Variants in ANKRD6 observed in about 807,000 individuals in gnomAD.
ANKRD6 encodes ankyrin repeat domain 6, also known as ankyrin repeat domain-containing protein 6.
In ANKRD6, 56 loss-of-function variants were observed where a neutral mutation model predicts 82.3. The ratio of observed to expected loss-of-function variants is 0.68; its 90% CI spans 0.55 to 0.85. The LOEUF is 0.85. Among genes scored for constraint, ANKRD6 ranks in the 40% least tolerant of loss-of-function variants. The pLI is 0.00. For missense variants in ANKRD6, 852 were observed against 907.6 expected, an observed-to-expected ratio of 0.94 and a Z score of 0.79; for synonymous variants, 347 against 352.1, an observed-to-expected ratio of 0.99 and a Z score of 0.16.
chr6:89,452,079 GCT>G (rs1283273443), intron 1 of ANKRD6, among the ~76,000 whole-genome samples: 2 of 152,224 alleles, frequency 1.3e-5, no homozygotes, highest in African/African-American at 4.8e-5. Flanking sequence ...TACTTGGGAA[GCT>G]GAGGCAGGAG....
intron 1 of ANKRD6, among the ~76,000 whole-genome samples, chr6:89,542,613 C>A (rs1184984930): frequency 1.3e-5 from 2 of 152,184 alleles, no homozygotes; most frequent in African/African-American, 2.4e-5. Flanking sequence ...GGTCTCTTGT[C>A]ATATAGAAAC....
At chr6:89,438,898 C>T (rs1770988430) in intron 1 of ANKRD6, among the ~76,000 whole-genome samples, 3 of 152,174 alleles carry the variant, frequency 2.0e-5, no homozygotes, top group Non-Finnish European at 2.9e-5. Flanking sequence ...CGGCCTCGGC[C>T]TCCTAAAGTG....
intron 1 of ANKRD6, among the ~76,000 whole-genome samples, chr6:89,521,740 CT>C (rs1488715323): frequency 6.6e-6 from 1 of 151,742 alleles, no homozygotes; most frequent in Non-Finnish European, 1.5e-5. Context: ...ATCTATTTTC[CT>C]TTGTAAAAAT....
intron 1 of ANKRD6, among the ~76,000 whole-genome samples, chr6:89,540,399 A>G (rs1784323573): frequency 6.6e-6 from 1 of 152,118 alleles, no homozygotes; most frequent in African/African-American, 2.4e-5. Context: ...GCATCTTTTC[A>G]TATATCTGTC....
chr6:89,556,792 A>G (rs1305825350), intron 1 of ANKRD6, among the ~76,000 whole-genome samples: 1 of 152,224 alleles, frequency 6.6e-6, no homozygotes, highest in Non-Finnish European at 1.5e-5. Context: ...GCATTATCTC[A>G]TTCAATCTTT....
At chr6:89,614,514 C>T (rs570193942) in intron 7 of ANKRD6, among the ~76,000 whole-genome samples, 13 of 152,070 alleles carry the variant, frequency 8.5e-5, no homozygotes, top group African/African-American at 1.4e-4. Context: ...GGCGTGGTGG[C>T]GTGCACCTGC....
intron 1 of ANKRD6, among the ~76,000 whole-genome samples, chr6:89,447,854 A>ATTTTT (rs530068070): frequency 2.5e-5 from 3 of 119,012 alleles, no homozygotes; most frequent in African/African-American, 3.5e-5. Flanking sequence ...CGCCCAGCTA[A>ATTTTT]TTTTTTTTTT....
chr6:89,527,156 C>T (rs1000409466), intron 1 of ANKRD6, among the ~76,000 whole-genome samples: 17 of 152,052 alleles, frequency 1.1e-4, no homozygotes, highest in Non-Finnish European at 1.8e-4. Flanking sequence ...TTTCAGACCA[C>T]GGCATTAAGC....
chr6:89,462,699 C>T (rs1380839791), intron 1 of ANKRD6, among the ~76,000 whole-genome samples: 5 of 151,854 alleles, frequency 3.3e-5, no homozygotes, highest in South Asian at 4.2e-4. Context: ...AAGTCTATTG[C>T]GTAAGACAAT....
chr6:89,615,513 A>T (rs916447099), intron 7 of ANKRD6, among the ~76,000 whole-genome samples: 3 of 152,202 alleles, frequency 2.0e-5, no homozygotes, highest in Middle Eastern at 3.2e-3. Context: ...CCCACATGGT[A>T]GACCAATGAA....
intron 1 of ANKRD6, among the ~76,000 whole-genome samples, chr6:89,479,785 G>C (rs888029876): frequency 3.3e-5 from 5 of 151,622 alleles, no homozygotes; most frequent in African/African-American, 1.2e-4. Flanking sequence ...CCCTAGAATT[G>C]TTTCTTTAGT....
chr6:89,446,174 G>A (rs1772059849), intron 1 of ANKRD6, among the ~76,000 whole-genome samples: 1 of 151,912 alleles, frequency 6.6e-6, no homozygotes, highest in African/African-American at 2.4e-5. Flanking sequence ...CCAACATGGT[G>A]AAACTCTGTC....
chr6:89,581,332 A>G lies in ANKRD6; in HGVS notation c.120+14236A>G, dbSNP rs903575832. The stretch of plus-strand genomic sequence containing the variant: ...TAAATTTCTCTAAGTGGTACTTCTG[A>G]GTCAGAGCATGCATGCCCTTGCAAT... On this transcript the variant is annotated intron_variant, in intron 2 of 15. Coordinates refer to ENST00000339746, the MANE Select transcript of ANKRD6 (RefSeq NM_001242809.2). Among the ~76,000 whole-genome samples, 3 of 152,182 alleles carry G rather than the reference A, an allele frequency of 2.0e-5. No homozygotes were observed. The South Asian group carries it at 6.2e-4, about 32-fold the overall frequency.
intron 1 of ANKRD6, among the ~76,000 whole-genome samples, chr6:89,550,749 A>G (rs1785726017): frequency 6.6e-6 from 1 of 152,180 alleles, no homozygotes; most frequent in African/African-American, 2.4e-5. Context: ...TAAGGTCAGG[A>G]GTTCGAGACC....
In ANKRD6 at chr6:89,495,231, TCAAAA is replaced by T. The variant is rs61057432; in HGVS notation, c.-144+61884_-144+61888del. The stretch of plus-strand genomic sequence containing the variant: ...CTGGGCAACAGAGCGAGACTCCATC[TCAAAA>T]CAAAACAAAACAAAACAAAACAAAA... On this transcript the variant is annotated intron_variant, in intron 1 of 15. Transcript: ENST00000339746. 6.5e-3 allele frequency among the ~76,000 whole-genome samples: 993 copies of T among 152,100 alleles called. 14 individuals are homozygous for T. Among genetic ancestry groups the T allele is most frequent in the South Asian group, 0.026 (126 of 4,822 alleles).
chr6:89,560,370 G>A (rs1232245688), intron 1 of ANKRD6, among the ~76,000 whole-genome samples: 1 of 152,192 alleles, frequency 6.6e-6, no homozygotes, highest in Non-Finnish European at 1.5e-5. Flanking sequence ...GAGTACGTGT[G>A]CAAGCATGAG....
At chr6:89,498,746 A>G (rs1019876177) in intron 1 of ANKRD6, among the ~76,000 whole-genome samples, 4 of 152,234 alleles carry the variant, frequency 2.6e-5, no homozygotes, top group African/African-American at 9.6e-5. Flanking sequence ...TTGGGAGCCC[A>G]GTTTGCTATG....
intron 3 of ANKRD6, chr6:89,598,118 A>T (rs1694457854): frequency 5.1e-6 from 5 of 985,296 alleles, no homozygotes; most frequent in Non-Finnish European, 6.0e-6. Context: ...GCATGGTAAG[A>T]ACTGAGAATT....
intron 1 of ANKRD6, among the ~76,000 whole-genome samples, chr6:89,546,820 A>G (rs1484872827): frequency 6.6e-6 from 1 of 152,094 alleles, no homozygotes; most frequent in Non-Finnish European, 1.5e-5. Context: ...AAAAATGGGG[A>G]GATGTCCCTG....
Sources: gnomAD v4.1 joint callset for allele counts (sites outside exome capture counted in the v4.1 genomes callset) on GRCh38, gnomAD v4.1.1 for gene constraint, MANE v1.5 for transcripts, NCBI Gene and HGNC (gene_info 2026-07-23, HGNC 2026-07-21) for gene names.